The following RASA3 variants were observed in gnomAD, a reference collection of about 807,000 sequenced individuals.
RASA3 encodes the protein ras GTPase-activating protein 3.
A neutral mutation model predicts 110.0 loss-of-function variants in RASA3; 73 were observed. The observed-to-expected ratio is 0.66, with a 90% CI of 0.55 to 0.81. The LOEUF (loss-of-function observed/expected upper bound fraction) is 0.81. Among genes scored for constraint, RASA3 ranks in the 30% least tolerant of loss-of-function variants. The probability of loss-of-function intolerance (pLI) is 0.00; values close to 1 mark genes in which losing one functional copy is unlikely to be tolerated. For missense variants in RASA3, 976 were observed against 1,113.2 expected (o/e 0.88, Z 1.75); for synonymous variants, 500 against 451.4 (o/e 1.11, Z -1.37).
rs376881796 is a variant in RASA3, at chr13:114,017,265, T to G, written c.1178A>C (p.His393Pro). ...CTCGATGGCGGGCTTCAGGGTGACA[T>G]GCAGGTAATGCATCCCCGCCAGCTT... is the stretch of plus-strand genomic sequence containing the variant. ...TMKLAGMHYL[H>P]VTLKPAIEEI... Residue 393 changes from histidine (H) to proline (P), a missense_variant, in exon 12 of 24, where the codon CAT becomes CCT. Transcript: ENST00000334062. 2 of 1,613,608 alleles carry G rather than the reference T, an allele frequency of 1.2e-6. No homozygotes were observed. The highest frequency in any genetic ancestry group is 1.7e-5 in the Admixed American group (1 of 59,998).
At chr13:114,043,846 CCCGCCTCACTCGCTGAG>C (rs2078987666) in intron 3 of RASA3, among the ~76,000 whole-genome samples, 1 of 65,676 alleles carries the variant, frequency 1.5e-5, no homozygotes, top group Admixed American at 1.5e-4. Context: ...AGCCCCCCGC[CCCGCCTCACTCGCTGAG>C]CCCCCCCGCC....
At chr13:113,998,648 C>T (rs1004116724) in intron 20 of RASA3, among the ~76,000 whole-genome samples, 2 of 152,202 alleles carry the variant, frequency 1.3e-5, no homozygotes, top group African/African-American at 2.4e-5. Flanking sequence ...ACAATGGTGA[C>T]GCCACGGACA....
Position 113,989,606 on chromosome 13 carries a change from TCATCACTCACCCTGTCCATCCATC to T in RASA3, c.2245+2855_2245+2878del, listed in dbSNP as rs1196032211. Among the ~76,000 whole-genome samples, 10 of 144,284 alleles carry T rather than the reference TCATCACTCACCCTGTCCATCCATC, an allele frequency of 6.9e-5. No individual in the cohort carries two copies. The South Asian group carries it at 1.1e-3, about 16-fold the overall frequency. 94.7% of individuals were successfully genotyped at this position (144,284 alleles called of 152,430 possible). On this transcript the variant is annotated intron_variant, in intron 22 of 23. Transcript: ENST00000334062. ...CCATCACTCACCCCAGTCCATCCTC[TCATCACTCACCCTGTCCATCCATC>T]CATCACTCACCCATCTGTCCATCCA... is the stretch of plus-strand genomic sequence containing the variant.
chr13:114,051,245 G>T (rs1191565525), intron 3 of RASA3, among the ~76,000 whole-genome samples: 3 of 152,182 alleles, frequency 2.0e-5, no homozygotes, highest in African/African-American at 7.2e-5. Context: ...CTGGGTTCAG[G>T]CTGTGGCAGC....
Position 114,027,444 on chromosome 13 carries a change from G to A in RASA3, c.548C>T (p.Thr183Met), listed in dbSNP as rs181099150. Residue 183 changes from threonine (T) to methionine (M), a missense_variant, in exon 7 of 24, where the codon ACG (threonine) becomes ATG (methionine). Physicochemically the swap from Thr to Met is moderately conservative, Grantham distance 81 (BLOSUM62 -1). Around this residue, in one of 4 missense-constraint regions of RASA3, gnomAD observed 732 missense variants for 779.7 expected, o/e 0.94. Coordinates refer to ENST00000334062, the MANE Select transcript of RASA3 (RefSeq NM_007368.4). Reference sequence around the variant, plus strand: ...ATTGTTGGTCTTCCTCTTCACTTTCGTCTTCTTTGCTTCTGATCTGTTATC... The same window carrying A: ...ATTGTTGGTCTTCCTCTTCACTTTCATCTTCTTTGCTTCTGATCTGTTATC... ...AGPFRSEAKK[T>M]KVKRKTNNPQ... 14 of 1,612,574 alleles carry A rather than the reference G, an allele frequency of 8.7e-6. No individual in the cohort carries two copies. Among genetic ancestry groups the A allele is most frequent in the East Asian group, 2.2e-5 (1 of 44,884 alleles).
intron 1 of RASA3, among the ~76,000 whole-genome samples, chr13:114,104,893 C>T (rs2080113238): frequency 1.3e-5 from 2 of 150,284 alleles, no homozygotes; most frequent in Admixed American, 6.6e-5. Flanking sequence ...CCACTCCCCT[C>T]CCCACACACG....
chr13:114,105,547 G>A (rs948456552), intron 1 of RASA3, among the ~76,000 whole-genome samples: 6 of 152,302 alleles, frequency 3.9e-5, no homozygotes, highest in Non-Finnish European at 5.9e-5. Flanking sequence ...AGGGACCACC[G>A]GCATCGAAGC....
intron 2 of RASA3, among the ~76,000 whole-genome samples, chr13:114,058,797 C>A (rs2139598496): frequency 6.6e-6 from 1 of 152,332 alleles, no homozygotes; most frequent in Middle Eastern, 3.4e-3. Context: ...TCTCCTGAGC[C>A]CAGGAGTGCT....
At chr13:113,989,003 A>ATCCACCCATCACTCACCCATCTGTCAG (rs1307221076) in intron 22 of RASA3, among the ~76,000 whole-genome samples, 1 of 140,814 alleles carries the variant, frequency 7.1e-6, no homozygotes, top group Non-Finnish European at 1.5e-5. Flanking sequence ...CCATCGGCCC[A>ATCCACCCATCACTCACCCATCTGTCAG]TCCACCCATC....
intron 4 of RASA3, among the ~76,000 whole-genome samples, chr13:114,033,917 CA>C (rs1185290834): frequency 2.6e-5 from 4 of 152,244 alleles, no homozygotes; most frequent in Non-Finnish European, 5.9e-5. Flanking sequence ...GCGGGGAAAA[CA>C]GGTGCCTAAA....
intron 3 of RASA3, among the ~76,000 whole-genome samples, chr13:114,049,446 A>G (rs1046115522): frequency 6.6e-6 from 1 of 152,202 alleles, no homozygotes; most frequent in African/African-American, 2.4e-5. Flanking sequence ...ATTAATAAAC[A>G]TCTTATTTGG....
At chr13:113,993,806 T>TAAAAAAAAAA (rs35450759) in intron 21 of RASA3, among the ~76,000 whole-genome samples, 76 of 85,480 alleles carry the variant, frequency 8.9e-4, no homozygotes, top group Non-Finnish European at 1.4e-3. Context: ...AGACTCTGCC[T>TAAAAAAAAAA]AAAAAAAAAA....
chr13:114,028,672 C>A (rs2054083923), intron 5 of RASA3, among the ~76,000 whole-genome samples: 1 of 126,822 alleles, frequency 7.9e-6, no homozygotes, highest in Admixed American at 7.8e-5. Context: ...ACCTCTAAAA[C>A]AGTGTCATCC....
chr13:114,049,280 G>A (rs2079104428), intron 3 of RASA3, among the ~76,000 whole-genome samples: 1 of 151,856 alleles, frequency 6.6e-6, no homozygotes. Context: ...TTCATGCCCG[G>A]TAACAACATA....
chr13:113,980,428 CGTGTGTG>C lies in RASA3; in HGVS notation c.2430-1013_2430-1007del, dbSNP rs1475640312. ...CCTCCTCCCACGTGTTCACCTCCTCCGTGTGTGCACCTCCTGCCATGTGTGTGCACCT... is the reference window on the plus strand; with the variant it reads ...CCTCCTCCCACGTGTTCACCTCCTCCCACCTCCTGCCATGTGTGTGCACCT... On this transcript the variant is annotated intron_variant, in intron 23 of 23. Transcript: ENST00000334062. Among the ~76,000 whole-genome samples, 12 of 144,758 alleles carry C rather than the reference CGTGTGTG, an allele frequency of 8.3e-5. No individual in the cohort carries two copies. The South Asian group carries it at 2.1e-3, about 25-fold the overall frequency. The allele number at this position is 144,758 out of a possible 152,430, so 95.0% of individuals were successfully genotyped here.
At position 114,096,743 on chromosome 13, in the gene RASA3, C is replaced by G. The variant is rs2079949430; in HGVS notation, c.56-22906G>C. The stretch of plus-strand genomic sequence containing the variant: ...TTCCCTCCTCGTCCCCCAAAGCACT[C>G]AACAGCTCTCCAGCACCCACCGAAT... On this transcript the variant is annotated intron_variant, in intron 1 of 23. Transcript: ENST00000334062. This position sits in a 1 kb window ranked among gnomAD's most constrained non-coding sequence, Gnocchi z 5.1. Among the ~76,000 whole-genome samples the G allele has an allele frequency of 6.6e-6, 1 of 152,078 alleles. No individual in the cohort carries two copies. The highest frequency in any genetic ancestry group is 1.5e-5 in the Non-Finnish European group (1 of 68,014).
rs564086704 is a variant in RASA3, at chr13:114,027,527, A to C, written c.531-66T>G. 3 of 1,265,920 alleles carry C rather than the reference A, an allele frequency of 2.4e-6. No homozygotes were observed. In the South Asian group the frequency reaches 3.7e-5, roughly 16 times the overall value. The allele number at this position is 1,265,920 out of a possible 1,614,324, so 78.4% of individuals were successfully genotyped here. A position where few individuals can be genotyped will look rare whatever the true frequency, so the allele number is the denominator to read the frequency against. ...GCTGATTCCAAGTCTCTCAGTGGTA[A>C]AACCGAGCTCTCAAATGCACAAGTC... On this transcript the variant is annotated intron_variant, in intron 6 of 23. Coordinates refer to ENST00000334062, the MANE Select transcript of RASA3 (RefSeq NM_007368.4).
chr13:114,058,341 G>T (rs887596214), intron 2 of RASA3, among the ~76,000 whole-genome samples: 1 of 152,292 alleles, frequency 6.6e-6, no homozygotes, highest in African/African-American at 2.4e-5. Flanking sequence ...TCGGGCGTGA[G>T]GCTCACCACT....
At position 114,039,434 on chromosome 13, in the gene RASA3, G is replaced by A. The variant is rs569159450; in HGVS notation, c.372+1566C>T. Among the ~76,000 whole-genome samples, 3 of 152,218 alleles carry A rather than the reference G, an allele frequency of 2.0e-5. No homozygotes were observed. The South Asian group carries it at 6.2e-4, about 32-fold the overall frequency. On this transcript the variant is annotated intron_variant, in intron 4 of 23. Coordinates refer to ENST00000334062, the MANE Select transcript of RASA3 (RefSeq NM_007368.4). Reference sequence around the variant, plus strand: ...GCGCTGTGCCACAACCCTACACTCAGACGCTCACTGCGGTCCCAGCTGAGG... The same window carrying A: ...GCGCTGTGCCACAACCCTACACTCAAACGCTCACTGCGGTCCCAGCTGAGG...
Sources: allele counts gnomAD v4.1 joint callset (sites outside exome capture counted in the v4.1 genomes callset), GRCh38; gene constraint gnomAD v4.1.1; regional missense constraint gnomAD v4.1.1; non-coding constraint Gnocchi (gnomAD v3.1); transcripts MANE v1.5; gene names NCBI Gene and HGNC (gene_info 2026-07-23, HGNC 2026-07-21).